OAT: variants seen among roughly 807,000 people sequenced by gnomAD.
The protein encoded by OAT is ornithine aminotransferase, mitochondrial.
In OAT, 35 loss-of-function variants were observed where a neutral mutation model predicts 48.4. That is an observed-to-expected ratio of 0.72 (90% CI 0.55 to 0.96). OAT has a LOEUF of 0.96. Among genes scored for constraint, OAT ranks in the 40% least tolerant of loss-of-function variants. The pLI is 0.00. For missense variants in OAT, 438 were observed against 537.9 expected, an observed-to-expected ratio of 0.81 and a Z score of 1.84; for synonymous variants, 182 against 198.4, an observed-to-expected ratio of 0.92 and a Z score of 0.70.
At chr10:124,417,272 A>T (rs1014456423) in intron 1 of OAT, among the ~76,000 whole-genome samples, 1 of 150,924 alleles carries the variant, frequency 6.6e-6, no homozygotes, top group African/African-American at 2.4e-5. Context: ...CTGTAAACCC[A>T]AAACTATAAG....
rs59171918 is a variant in OAT, at chr10:124,417,283, CTTTTTTTTTTT to C, written c.-30+1579_-30+1589del. 6.9e-5 allele frequency among the ~76,000 whole-genome samples: 6 copies of C among 87,046 alleles called. No individual in the cohort carries two copies. In the Admixed American group the frequency reaches 7.8e-4, roughly 11 times the overall value. The allele number at this position is 87,046 out of a possible 152,430, so 57.1% of individuals were successfully genotyped here. ...AAAACTGTAAACCCAAAACTATAAGCTTTTTTTTTTTTTTTTTTTTTTTTCGAGACGGAGTC... is the reference window on the plus strand; with the variant it reads ...AAAACTGTAAACCCAAAACTATAAGCTTTTTTTTTTTTTCGAGACGGAGTC... On this transcript the variant is annotated intron_variant, in intron 1 of 9. Coordinates refer to ENST00000368845, the MANE Select transcript of OAT (RefSeq NM_000274.4).
intron 2 of OAT, among the ~76,000 whole-genome samples, chr10:124,411,134 C>T (rs1373690528): frequency 5.5e-5 from 4 of 73,286 alleles, no homozygotes; most frequent in Non-Finnish European, 7.6e-5. Context: ...AGCGACATTC[C>T]GTCTCAAAAA....
intron 5 of OAT, among the ~76,000 whole-genome samples, 190 bp from the exon 6 acceptor site, chr10:124,404,110 G>A (rs927320471): frequency 1.3e-5 from 2 of 152,058 alleles, no homozygotes; most frequent in African/African-American, 4.8e-5. Flanking sequence ...AGTTACACTA[G>A]CCTACATTTC....
intron 9 of OAT, among the ~76,000 whole-genome samples, chr10:124,399,385 G>C (rs1385390451): frequency 8.7e-6 from 1 of 114,890 alleles, no homozygotes; most frequent in Non-Finnish European, 1.6e-5. Context: ...TCACTCTGCC[G>C]CCCAGGCTGG....
At chr10:124,416,199 T>G (rs1020292169) in intron 1 of OAT, among the ~76,000 whole-genome samples, 1 of 152,156 alleles carries the variant, frequency 6.6e-6, no homozygotes, top group African/African-American at 2.4e-5. Flanking sequence ...AAGTCTATAC[T>G]CTAAGCTCCT....
chr10:124,398,708 G>C (rs1951309111), intron 9 of OAT, among the ~76,000 whole-genome samples: 1 of 149,928 alleles, frequency 6.7e-6, no homozygotes, highest in East Asian at 2.0e-4. Context: ...ATCACACAAG[G>C]AACTAATGCA....
rs753450237 is a variant in OAT at position 124,400,825 on chromosome 10, G to C, written c.1159+15C>G. On this transcript the variant is annotated intron_variant, in intron 9 of 9. Transcript: ENST00000368845. ...CCTTAAAAAATTATCTTGAGTAAATGTTTTATCTCCATACCTTTGGTTTCT... is the reference window on the plus strand; with the variant it reads ...CCTTAAAAAATTATCTTGAGTAAATCTTTTATCTCCATACCTTTGGTTTCT... 2 of 1,567,736 alleles carry C rather than the reference G, an allele frequency of 1.3e-6. No homozygotes were observed. Among genetic ancestry groups the C allele is most frequent in the South Asian group, 2.3e-5 (2 of 88,612 alleles).
chr10:124,402,449 C>CT (rs1199963213), intron 7 of OAT, among the ~76,000 whole-genome samples: 2 of 152,212 alleles, frequency 1.3e-5, no homozygotes, highest in Non-Finnish European at 2.9e-5. Context: ...GCTGAGCATT[C>CT]TTTTTAGCAA....
chr10:124,399,081 G>T (rs976674455), intron 9 of OAT, among the ~76,000 whole-genome samples: 1 of 151,736 alleles, frequency 6.6e-6, no homozygotes, highest in African/African-American at 2.4e-5. Flanking sequence ...AGAAAAAAAA[G>T]AACTTGGGTA....
chr10:124,408,257 A>G (rs1482729460), intron 4 of OAT, among the ~76,000 whole-genome samples: 1 of 148,210 alleles, frequency 6.7e-6, no homozygotes, highest in African/African-American at 2.5e-5. Flanking sequence ...ACACATATAT[A>G]TATGTTTTTT....
intron 4 of OAT, among the ~76,000 whole-genome samples, chr10:124,407,755 G>GA (rs1385867675): frequency 1.3e-5 from 2 of 152,104 alleles, no homozygotes; most frequent in African/African-American, 2.4e-5. Flanking sequence ...AAACAAGTCA[G>GA]AACCTCTCAT....
intron 7 of OAT, among the ~76,000 whole-genome samples, chr10:124,402,556 A>C (rs77905636): frequency 4.7e-4 from 71 of 152,364 alleles, no homozygotes; most frequent in African/African-American, 1.6e-3. Context: ...CATGAACTAC[A>C]ACAAACATTA....
At position 124,405,428 on chromosome 10, in the gene OAT, T is replaced by C. The variant is rs1951545729; in HGVS notation, c.648+8A>G. The C allele has an allele frequency of 6.2e-7, 1 of 1,613,330 alleles. No individual in the cohort carries two copies. ...AATGAGCTGAGCACTATGATGCTAG[T>C]GAAATACCTCCAGTGCGGGCAGATC... On this transcript the variant is annotated splice_region_variant and intron_variant, in intron 5 of 9. Transcript: ENST00000368845.
intron 9 of OAT, among the ~76,000 whole-genome samples, chr10:124,399,289 G>C (rs1951328175): frequency 6.6e-6 from 1 of 151,260 alleles, no homozygotes; most frequent in African/African-American, 2.4e-5. Flanking sequence ...GAATCCCTGG[G>C]GTAAGGCCAG....
At chr10:124,398,980 G>A (rs1951317519) in intron 9 of OAT, among the ~76,000 whole-genome samples, 2 of 152,016 alleles carry the variant, frequency 1.3e-5, no homozygotes, top group African/African-American at 4.8e-5. Context: ...TCATGCCACT[G>A]TACTCCAGCC....
In OAT at chr10:124,397,820, T is replaced by A; in HGVS notation, c.*122A>T. 8.9e-7 allele frequency: 1 copy of A among 1,122,438 alleles called. No individual in the cohort carries two copies. Among genetic ancestry groups the A allele is most frequent in the Non-Finnish European group, 1.3e-6 (1 of 760,650 alleles). 69.5% of individuals were successfully genotyped at this position (1,122,438 alleles called of 1,614,324 possible). ...TTATGTATCAACTGAAAAAAATATA[T>A]TCAAAAAAAAAGTTTTTGAAGACTC... On this transcript the variant is annotated 3_prime_UTR_variant, in exon 10 of 10. Transcript: ENST00000368845.
Position 124,398,090 on chromosome 10 carries a change from C to T in OAT, c.1172G>A (p.Trp391Ter), listed in dbSNP as rs386833596. 1 of 1,613,944 alleles carries T rather than the reference C, an allele frequency of 6.2e-7. No homozygotes were observed. Among genetic ancestry groups the T allele is most frequent in the South Asian group, 1.1e-5 (1 of 91,088 alleles). ...ATCTCGAAGTCGTAGACACACCTTC[C>T]AAGCATCCCAATCTAAAGAAAAATA... ...VIKETKDWDA[W>*]KVCLRLRDNG... Residue 391 changes from tryptophan to a stop codon, truncating the protein, a stop_gained, in exon 10 of 10, where the codon TGG (tryptophan) becomes TAG (stop). Transcript: ENST00000368845. LOFTEE classifies it high-confidence loss of function.
rs12240658 is a variant in OAT, at chr10:124,403,571, C to T, written c.771+227G>A. Among the ~76,000 whole-genome samples the T allele has an allele frequency of 0.064, 9,748 of 152,174 alleles. 433 individuals carry two copies. The highest frequency in any genetic ancestry group is 0.084 in the Non-Finnish European group (5,739 of 67,994). On this transcript the variant is annotated intron_variant, in intron 6 of 9. Transcript: ENST00000368845. Reference sequence around the variant, plus strand: ...CCAGGTCTGCAGTTCTGCACAGGGCCCAGGACAAGGCCAGAGACAGGAAAA... The same window carrying T: ...CCAGGTCTGCAGTTCTGCACAGGGCTCAGGACAAGGCCAGAGACAGGAAAA...
At chr10:124,401,860 C>T (rs761406512) in intron 7 of OAT, 21 bp from the exon 8 acceptor site, 23 of 1,555,954 alleles carry the variant, frequency 1.5e-5, no homozygotes, top group Non-Finnish European at 1.9e-5. Flanking sequence ...GTCAATTCAC[C>T]ATGTCATTTC....
Sources: gnomAD v4.1 joint callset for allele counts (sites outside exome capture counted in the v4.1 genomes callset) on GRCh38, gnomAD v4.1.1 for gene constraint, MANE v1.5 for transcripts, NCBI Gene and HGNC (gene_info 2026-07-23, HGNC 2026-07-21) for gene names.